Variants in DLG2 observed in about 807,000 individuals in gnomAD.
The protein encoded by DLG2 is disks large homolog 2.
A neutral mutation model predicts 132.5 loss-of-function variants in DLG2; 45 were observed. That is an observed-to-expected ratio of 0.34 (90% confidence interval 0.27 to 0.44). The LOEUF is 0.44. Among genes scored for constraint, DLG2 ranks in the 20% least tolerant of loss-of-function variants. The probability of loss-of-function intolerance (pLI) is 1.00; values close to 1 mark genes in which losing one functional copy is unlikely to be tolerated. For synonymous variants in DLG2, 424 were observed against 419.6 expected, an observed-to-expected ratio of 1.01 and a Z score of -0.13; for missense variants, 1,045 against 1,196.9, an observed-to-expected ratio of 0.87 and a Z score of 1.87.
At chr11:85,577,290 G>C (rs1157928281) in intron 3 of DLG2, among the ~76,000 whole-genome samples, 1 of 152,082 alleles carries the variant, frequency 6.6e-6, no homozygotes, top group Non-Finnish European at 1.5e-5. Context: ...TAGTTGCTCA[G>C]GACAGTATGG....
chr11:84,755,692 G>C (rs1008152961), intron 6 of DLG2, among the ~76,000 whole-genome samples: 1 of 152,186 alleles, frequency 6.6e-6, no homozygotes, highest in Non-Finnish European at 1.5e-5. Context: ...CGAAGTGCTG[G>C]GATTACAGGC....
At chr11:83,703,397 C>G (rs943450677) in intron 18 of DLG2, among the ~76,000 whole-genome samples, 8 of 152,192 alleles carry the variant, frequency 5.3e-5, no homozygotes, top group Admixed American at 4.6e-4. Context: ...TGCCTGTAAT[C>G]CCAGCACTTT....
chr11:83,939,841 T>C (rs939933911), intron 14 of DLG2, among the ~76,000 whole-genome samples: 21 of 152,224 alleles, frequency 1.4e-4, no homozygotes, highest in Non-Finnish European at 3.1e-4. Flanking sequence ...AACACTCTTA[T>C]ACCTTTAACT....
intron 3 of DLG2, among the ~76,000 whole-genome samples, chr11:85,289,043 C>T (rs1595967842): frequency 6.6e-6 from 1 of 151,680 alleles, no homozygotes; most frequent in South Asian, 2.1e-4. Flanking sequence ...ATTTATACCC[C>T]CAAATGTGAA....
intron 15 of DLG2, among the ~76,000 whole-genome samples, chr11:83,889,833 C>T (rs2069172742): frequency 6.6e-6 from 1 of 151,846 alleles, no homozygotes; most frequent in Non-Finnish European, 1.5e-5. Context: ...AATTGGAAAT[C>T]ATCATTCTCA....
Position 83,888,905 on chromosome 11 carries a change from G to A in DLG2, c.1497-14417C>T, listed in dbSNP as rs530299687. Among the ~76,000 whole-genome samples the A allele has an allele frequency of 3.3e-5, 5 of 152,342 alleles. No homozygotes were observed. The East Asian group carries it at 5.8e-4, about 18-fold the overall frequency. The stretch of plus-strand genomic sequence containing the variant: ...TGCTGGGAAAACTGGCTAGCCATAT[G>A]TAGAAAGCTGAAACTGGATCTCTTC... On this transcript the variant is annotated intron_variant, in intron 15 of 27. Transcript: ENST00000376104.
At chr11:85,404,894 T>C (rs1159045000) in intron 3 of DLG2, among the ~76,000 whole-genome samples, 1 of 151,950 alleles carries the variant, frequency 6.6e-6, no homozygotes, top group East Asian at 1.9e-4. Flanking sequence ...TAATCGTGTT[T>C]TATAACTTAT....
intron 6 of DLG2, among the ~76,000 whole-genome samples, chr11:84,935,021 C>CT (rs1352229918): frequency 1.3e-5 from 2 of 152,168 alleles, no homozygotes; most frequent in Non-Finnish European, 2.9e-5. Context: ...TTCCTCCTCT[C>CT]TTTTTCCTAT....
intron 21 of DLG2, among the ~76,000 whole-genome samples, chr11:83,512,621 T>C (rs1371621404): frequency 6.6e-6 from 1 of 152,130 alleles, no homozygotes; most frequent in Non-Finnish European, 1.5e-5. Flanking sequence ...CTTGTTGGTG[T>C]GCTGGACCAA....
At chr11:84,033,084 C>T (rs1407565385) in intron 11 of DLG2, among the ~76,000 whole-genome samples, 1 of 152,192 alleles carries the variant, frequency 6.6e-6, no homozygotes, top group Non-Finnish European at 1.5e-5. Context: ...TTCATGTCCA[C>T]TAACACGATA....
chr11:84,534,385 G>A (rs770738919), intron 7 of DLG2, among the ~76,000 whole-genome samples, 185 bp downstream of exon 7: 2 of 152,054 alleles, frequency 1.3e-5, no homozygotes, highest in Non-Finnish European at 2.9e-5. Context: ...TCAAACAATT[G>A]CAATAAAAAT....
chr11:83,976,028 T>A (rs938577050), intron 12 of DLG2, among the ~76,000 whole-genome samples: 21 of 151,894 alleles, frequency 1.4e-4, no homozygotes, highest in African/African-American at 5.1e-4. Context: ...ACCTTTAAGA[T>A]ACATACGTTA....
At chr11:84,975,420 G>A (rs145125481) in intron 6 of DLG2, among the ~76,000 whole-genome samples, 1 of 152,228 alleles carries the variant, frequency 6.6e-6, no homozygotes, top group Non-Finnish European at 1.5e-5. Context: ...CATATCTTTT[G>A]CATTTTCCTT....
intron 18 of DLG2, among the ~76,000 whole-genome samples, chr11:83,669,802 A>G (rs1428358230): frequency 6.6e-6 from 1 of 152,246 alleles, no homozygotes; most frequent in African/African-American, 2.4e-5. Context: ...AGTGCTAAAC[A>G]TAAAGTAAGC....
intron 6 of DLG2, among the ~76,000 whole-genome samples, chr11:84,732,506 T>G (rs1221777225): frequency 6.6e-6 from 1 of 152,032 alleles, no homozygotes; most frequent in Non-Finnish European, 1.5e-5. Flanking sequence ...TTGCCTTTCC[T>G]TAATGACTCA....
At chr11:85,341,713 A>G (rs1011604480) in intron 3 of DLG2, among the ~76,000 whole-genome samples, 6 of 152,220 alleles carry the variant, frequency 3.9e-5, no homozygotes, top group African/African-American at 1.4e-4. Context: ...CAATGAGGAT[A>G]CATTCTGAGA....
chr11:84,412,006 A>G (rs1401196051), intron 7 of DLG2, among the ~76,000 whole-genome samples: 2 of 151,588 alleles, frequency 1.3e-5, no homozygotes, highest in African/African-American at 4.9e-5. Context: ...CACTATTGAC[A>G]TACAGATGGA....
intron 12 of DLG2, among the ~76,000 whole-genome samples, chr11:83,967,151 T>A (rs2154161394): frequency 6.6e-6 from 1 of 152,224 alleles, no homozygotes; most frequent in South Asian, 2.1e-4. Context: ...GGCATGAAGG[T>A]CGTTGCCATA....
intron 7 of DLG2, among the ~76,000 whole-genome samples, chr11:84,340,186 G>A (rs2098507933): frequency 6.6e-6 from 1 of 152,178 alleles, no homozygotes; most frequent in African/African-American, 2.4e-5. Context: ...CACACCAGGA[G>A]TATTTCTCAG....
Sources: gnomAD v4.1 joint callset for allele counts (sites outside exome capture counted in the v4.1 genomes callset) on GRCh38, gnomAD v4.1.1 for gene constraint, MANE v1.5 for transcripts, NCBI Gene and HGNC (gene_info 2026-07-23, HGNC 2026-07-21) for gene names.